AIG1: variants seen among roughly 807,000 people sequenced by gnomAD.
AIG1 encodes the protein androgen-induced gene 1 protein.
In AIG1, 23 loss-of-function variants were observed where a neutral mutation model predicts 31.4. The observed-to-expected ratio is 0.73, with a 90% CI of 0.53 to 1.04. The LOEUF is 1.04. AIG1 is among the 50% of genes least tolerant of loss of function. The pLI, the probability that AIG1 is intolerant of heterozygous loss-of-function variation, is 0.00. For missense variants in AIG1, 274 were observed against 295.0 expected, an observed-to-expected ratio of 0.93 and a Z score of 0.52; for synonymous variants, 100 against 110.5, an observed-to-expected ratio of 0.90 and a Z score of 0.60.
intron 3 of AIG1, among the ~76,000 whole-genome samples, chr6:143,197,425 G>A (rs1462555380): frequency 6.6e-6 from 1 of 152,152 alleles, no homozygotes; most frequent in Non-Finnish European, 1.5e-5. Flanking sequence ...GTTTTTCTAA[G>A]TGTATTCTCC....
intron 1 of AIG1, among the ~76,000 whole-genome samples, chr6:143,074,031 T>A (rs1777524256): frequency 6.6e-6 from 1 of 152,238 alleles, no homozygotes; most frequent in African/African-American, 2.4e-5. Context: ...GTTGGTGATT[T>A]TTATGTCTTA....
At chr6:143,208,200 T>C (rs574418674) in intron 3 of AIG1, among the ~76,000 whole-genome samples, 5 of 152,326 alleles carry the variant, frequency 3.3e-5, no homozygotes, top group Admixed American at 3.3e-4. Flanking sequence ...ACACTGCCCA[T>C]GTCCTATTGC....
intron 3 of AIG1, among the ~76,000 whole-genome samples, chr6:143,200,212 G>A (rs1790587723): frequency 6.6e-6 from 1 of 152,188 alleles, no homozygotes. Flanking sequence ...ATAGTCAGCT[G>A]CTGAATTTGA....
intron 3 of AIG1, among the ~76,000 whole-genome samples, chr6:143,171,209 A>G (rs1407121036): frequency 1.3e-5 from 2 of 151,070 alleles, no homozygotes; most frequent in African/African-American, 4.9e-5. Context: ...CTTTCCCTTG[A>G]GTCCCCAAAG....
At position 143,279,591 on chromosome 6, in the gene AIG1, C is replaced by T. The variant is rs1797201038; in HGVS notation, c.400-4519C>T. 6.6e-6 allele frequency among the ~76,000 whole-genome samples: 1 copy of T among 152,162 alleles called. No individual in the cohort carries two copies. Among genetic ancestry groups the T allele is most frequent in the Non-Finnish European group, 1.5e-5 (1 of 68,034 alleles). The stretch of plus-strand genomic sequence containing the variant: ...TGAGGACTGCTCTGTGTGGAGGTGA[C>T]ACCCCCTTGTGGATCTCTTCTGCAA... On this transcript the variant is annotated intron_variant, in intron 3 of 5. Transcript: ENST00000357847. The surrounding 1 kb of genome is among the most constrained non-coding windows in gnomAD (Gnocchi z 5.4).
chr6:143,158,943 C>G (rs956786136), intron 2 of AIG1, among the ~76,000 whole-genome samples: 2 of 152,160 alleles, frequency 1.3e-5, no homozygotes. Flanking sequence ...CAGGGCAAAC[C>G]AATTCCTGTT....
intron 1 of AIG1, among the ~76,000 whole-genome samples, chr6:143,066,757 C>A (rs1352898316): frequency 6.6e-6 from 1 of 152,072 alleles, no homozygotes; most frequent in Non-Finnish European, 1.5e-5. Flanking sequence ...AAAAACAATA[C>A]ACATTTGATT....
chr6:143,132,102 T>C (rs1298812526), intron 1 of AIG1, among the ~76,000 whole-genome samples: 2 of 152,224 alleles, frequency 1.3e-5, no homozygotes, highest in African/African-American at 4.8e-5. Context: ...TTCTAAATAT[T>C]CTTAAAACCT....
At chr6:143,270,831 G>A (rs1469604131) in intron 3 of AIG1, among the ~76,000 whole-genome samples, 1 of 152,194 alleles carries the variant, frequency 6.6e-6, no homozygotes, top group Admixed American at 6.5e-5. Context: ...ACATGGGTAT[G>A]TGTGCTTGTG....
At chr6:143,219,469 C>G (rs1792294275) in intron 3 of AIG1, among the ~76,000 whole-genome samples, 1 of 151,938 alleles carries the variant, frequency 6.6e-6, no homozygotes, top group African/African-American at 2.4e-5. Flanking sequence ...GCTCCTATCT[C>G]TAAAAACAAA....
intron 3 of AIG1, among the ~76,000 whole-genome samples, chr6:143,260,014 C>G (rs888096966): frequency 7.6e-6 from 1 of 131,302 alleles, no homozygotes; most frequent in East Asian, 2.6e-4. Flanking sequence ...GCTTCTTGTG[C>G]TTCTTTTTTT....
chr6:143,339,370 G>C lies in AIG1; in HGVS notation c.680-269G>C, dbSNP rs1434893229. ...AATCAACTTGAAGCCTTGTCTCCCAGAGGCCATAGGAGCTGGGTGTGTCCC... is the reference window on the plus strand; with the variant it reads ...AATCAACTTGAAGCCTTGTCTCCCACAGGCCATAGGAGCTGGGTGTGTCCC... On this transcript the variant is annotated intron_variant, in intron 5 of 5. Transcript: ENST00000357847. 1.1e-5 allele frequency: 3 copies of C among 261,254 alleles called. No individual in the cohort carries two copies. The East Asian group carries it at 2.2e-4, about 19-fold the overall frequency. 16.2% of individuals were successfully genotyped at this position (261,254 alleles called of 1,614,324 possible).
At chr6:143,226,769 A>T (rs1473751043) in intron 3 of AIG1, among the ~76,000 whole-genome samples, 1 of 152,136 alleles carries the variant, frequency 6.6e-6, no homozygotes, top group Non-Finnish European at 1.5e-5. Flanking sequence ...GCCATTAAAA[A>T]TGAATGGAGT....
At chr6:143,067,260 G>A (rs1460990240) in intron 1 of AIG1, among the ~76,000 whole-genome samples, 2 of 152,070 alleles carry the variant, frequency 1.3e-5, no homozygotes, top group East Asian at 1.9e-4. Flanking sequence ...TATGGTTAAT[G>A]TTTCTTATTT....
intron 3 of AIG1, among the ~76,000 whole-genome samples, chr6:143,243,488 G>A (rs1353165213): frequency 6.6e-6 from 1 of 151,828 alleles, no homozygotes; most frequent in Non-Finnish European, 1.5e-5. Context: ...TTTTTTCATT[G>A]AATAGCCTCC....
intron 1 of AIG1, among the ~76,000 whole-genome samples, chr6:143,087,817 C>T (rs1290974031): frequency 6.6e-6 from 1 of 152,188 alleles, no homozygotes; most frequent in African/African-American, 2.4e-5. Flanking sequence ...ACTGATTTCT[C>T]TATATTCTCG....
At chr6:143,171,507 AT>A (rs2128573654) in intron 3 of AIG1, among the ~76,000 whole-genome samples, 2 of 126,076 alleles carry the variant, frequency 1.6e-5, no homozygotes, top group South Asian at 4.5e-4. Context: ...TATATATTTA[AT>A]ATATATAATA....
intron 1 of AIG1, among the ~76,000 whole-genome samples, chr6:143,071,698 G>T (rs1463409110): frequency 2.0e-5 from 3 of 151,374 alleles, no homozygotes; most frequent in South Asian, 2.1e-4. Context: ...TGTTGTTGTT[G>T]TTGTTGTTCT....
chr6:143,320,409 A>G (rs1776113635), intron 4 of AIG1, among the ~76,000 whole-genome samples: 1 of 152,178 alleles, frequency 6.6e-6, no homozygotes, highest in Admixed American at 6.5e-5. Flanking sequence ...CAGCATTCCC[A>G]TGTTTTTGCA....
Sources: allele counts gnomAD v4.1 joint callset (sites outside exome capture counted in the v4.1 genomes callset), GRCh38; gene constraint gnomAD v4.1.1; non-coding constraint Gnocchi (gnomAD v3.1); transcripts MANE v1.5; gene names NCBI Gene and HGNC (gene_info 2026-07-23, HGNC 2026-07-21).